ADAMTS19: variants seen among roughly 807,000 people sequenced by gnomAD.
ADAMTS19 encodes the protein ADAM metallopeptidase with thrombospondin type 1 motif 19.
ADAMTS19 carries 93 observed loss-of-function variants against 153.3 expected under a neutral mutation model. That is an observed-to-expected ratio of 0.61 (90% CI 0.51 to 0.72). The LOEUF (loss-of-function observed/expected upper bound fraction) is 0.72. ADAMTS19 is among the 30% of genes least tolerant of loss of function. The pLI is 0.00. For missense variants in ADAMTS19, 1,482 were observed against 1,552.1 expected, an observed-to-expected ratio of 0.95 and a Z score of 0.76; for synonymous variants, 600 against 556.6, an observed-to-expected ratio of 1.08 and a Z score of -1.10.
Position 129,702,941 on chromosome 5 carries a change from A to AAAAATATATATATATATAT in ADAMTS19, c.3160-1297_3160-1296insAAATATATATATATATATA. ...TAGTTTGACTTGCCAAAAAAAAAAA[A>AAAAATATATATATATATAT]ATATATATATATATATATATATATA... On this transcript the variant is annotated intron_variant, in intron 20 of 22. Coordinates refer to ENST00000274487, the MANE Select transcript of ADAMTS19 (RefSeq NM_133638.6). Among the ~76,000 whole-genome samples the AAAAATATATATATATATAT allele has an allele frequency of 8.9e-4, 26 of 29,252 alleles. 1 individual carries two copies. Among genetic ancestry groups the AAAAATATATATATATATAT allele is most frequent in the East Asian group, 6.7e-3 (5 of 746 alleles). 19.2% of individuals were successfully genotyped at this position (29,252 alleles called of 152,430 possible).
intron 2 of ADAMTS19, among the ~76,000 whole-genome samples, chr5:129,465,138 CT>C (rs1314271994): frequency 1.3e-5 from 2 of 152,184 alleles, no homozygotes; most frequent in Non-Finnish European, 2.9e-5. Context: ...ATTTCCAACA[CT>C]TTACTTTTTA....
intron 7 of ADAMTS19, among the ~76,000 whole-genome samples, chr5:129,568,594 T>TG (rs1237959259): frequency 1.5e-4 from 23 of 152,216 alleles, no homozygotes; most frequent in African/African-American, 5.1e-4. Flanking sequence ...CTGAGGCTGG[T>TG]GGATCACTTG....
intron 3 of ADAMTS19, among the ~76,000 whole-genome samples, chr5:129,509,738 C>T (rs1347724015): frequency 6.6e-6 from 1 of 151,910 alleles, no homozygotes; most frequent in Admixed American, 6.6e-5. Context: ...TTTATACGTT[C>T]GAATTTTGTT....
At chr5:129,547,720 A>T (rs1228001274) in intron 6 of ADAMTS19, among the ~76,000 whole-genome samples, 1 of 150,736 alleles carries the variant, frequency 6.6e-6, no homozygotes, top group Non-Finnish European at 1.5e-5. Context: ...TTGCCAAGCC[A>T]ATCCTAAGCC....
At chr5:129,654,278 C>T (rs1216603453) in intron 13 of ADAMTS19, 28 bp from the exon 14 acceptor site, 1 of 1,551,052 alleles carries the variant, frequency 6.4e-7, no homozygotes, top group Admixed American at 2.2e-5. Flanking sequence ...AACTTTTTCT[C>T]ATTTCTTTTT....
rs17163239 is a variant in ADAMTS19, at chr5:129,640,065, A to T, written c.1771-1794A>T. 5.1e-3 allele frequency among the ~76,000 whole-genome samples: 783 copies of T among 152,294 alleles called. 8 individuals carry two copies. The highest frequency in any genetic ancestry group is 0.018 in the African/African-American group (758 of 41,570). The stretch of plus-strand genomic sequence containing the variant: ...AATGCTATGGGCAGTTAGAAGAAGC[A>T]CACTAGTTAAGCTAAACCATATCCT... On this transcript the variant is annotated intron_variant, in intron 10 of 22. Coordinates refer to ENST00000274487, the MANE Select transcript of ADAMTS19 (RefSeq NM_133638.6).
intron 14 of ADAMTS19, among the ~76,000 whole-genome samples, chr5:129,658,312 AGAAAG>A (rs1419699742): frequency 0.021 from 517 of 25,134 alleles, 15 homozygotes; most frequent in African/African-American, 0.043. Context: ...AGAAAGAAAA[AGAAAG>A]AAAGAAAGAA....
At chr5:129,493,478 A>G (rs1393112459) in intron 2 of ADAMTS19, among the ~76,000 whole-genome samples, 1 of 151,910 alleles carries the variant, frequency 6.6e-6, no homozygotes, top group Admixed American at 6.6e-5. Context: ...CCCTTTCAGT[A>G]TTTTGAATAA....
chr5:129,482,296 C>T (rs150250665), intron 2 of ADAMTS19, among the ~76,000 whole-genome samples: 1 of 152,216 alleles, frequency 6.6e-6, no homozygotes, highest in Non-Finnish European at 1.5e-5. Context: ...TCACTTCTCT[C>T]ACCCAACAAA....
intron 7 of ADAMTS19, among the ~76,000 whole-genome samples, chr5:129,578,075 CACACAT>C (rs1275034810): frequency 3.1e-5 from 4 of 128,896 alleles, no homozygotes; most frequent in African/African-American, 5.2e-5. Context: ...CACACACACA[CACACAT>C]ATATACATAT....
chr5:129,581,941 A>G (rs1266863325), intron 7 of ADAMTS19, among the ~76,000 whole-genome samples: 1 of 152,022 alleles, frequency 6.6e-6, no homozygotes, highest in Non-Finnish European at 1.5e-5. Flanking sequence ...CCTGAGTTCT[A>G]GTTTGATTGC....
At chr5:129,531,724 G>A (rs987955654) in intron 6 of ADAMTS19, among the ~76,000 whole-genome samples, 2 of 152,008 alleles carry the variant, frequency 1.3e-5, no homozygotes, top group African/African-American at 4.8e-5. Context: ...TGAACAAATT[G>A]GATGGACTTA....
chr5:129,558,611 AT>A (rs1753395205), intron 7 of ADAMTS19, among the ~76,000 whole-genome samples: 1 of 152,208 alleles, frequency 6.6e-6, no homozygotes, highest in South Asian at 2.1e-4. Flanking sequence ...TTCCATTAAA[AT>A]TCTAACGAGA....
intron 2 of ADAMTS19, among the ~76,000 whole-genome samples, chr5:129,480,485 T>TGATATATCTGATAAA (rs1198902166): frequency 6.6e-6 from 1 of 152,156 alleles, no homozygotes; most frequent in East Asian, 1.9e-4. Context: ...AGAAAATATT[T>TGATATATCTGATAAA]GCAAAAGATA....
chr5:129,661,972 C>T (rs1753832953), intron 15 of ADAMTS19, among the ~76,000 whole-genome samples: 1 of 152,064 alleles, frequency 6.6e-6, no homozygotes, highest in South Asian at 2.1e-4. Context: ...ACAGACAGAC[C>T]TGAGTTCAAA....
chr5:129,731,312 G>A (rs925192110), intron 21 of ADAMTS19, among the ~76,000 whole-genome samples: 1 of 152,034 alleles, frequency 6.6e-6, no homozygotes, highest in Non-Finnish European at 1.5e-5. Flanking sequence ...ATTACTCTGA[G>A]CACAACTGTA....
intron 2 of ADAMTS19, among the ~76,000 whole-genome samples, chr5:129,465,306 G>GTTT (rs61242834): frequency 0.024 from 3,046 of 125,966 alleles, 117 homozygotes; most frequent in African/African-American, 0.075. Flanking sequence ...TTAACACAAT[G>GTTT]TTTTTTTTTT....
At chr5:129,624,786 T>A (rs1307671597) in intron 10 of ADAMTS19, among the ~76,000 whole-genome samples, 1 of 152,222 alleles carries the variant, frequency 6.6e-6, no homozygotes, top group African/African-American at 2.4e-5. Context: ...CCTCTGAATA[T>A]CTTCCACATA....
chr5:129,480,906 A>G (rs895851748), intron 2 of ADAMTS19, among the ~76,000 whole-genome samples: 10 of 152,174 alleles, frequency 6.6e-5, no homozygotes, highest in Admixed American at 3.9e-4. Flanking sequence ...ACTGTGGATC[A>G]GTGATTGACA....
Sources: allele counts gnomAD v4.1 joint callset (sites outside exome capture counted in the v4.1 genomes callset), GRCh38; gene constraint gnomAD v4.1.1; transcripts MANE v1.5; gene names NCBI Gene and HGNC (gene_info 2026-07-23, HGNC 2026-07-21).